FBXL7: variants seen among roughly 807,000 people sequenced by gnomAD.
FBXL7 encodes the protein F-box and leucine rich repeat protein 7.
In FBXL7, 12 loss-of-function variants were observed where a neutral mutation model predicts 38.3. The ratio of observed to expected loss-of-function variants is 0.31; its 90% CI spans 0.20 to 0.51. FBXL7 has a LOEUF of 0.51. Among genes scored for constraint, FBXL7 ranks in the 20% least tolerant of loss-of-function variants. The pLI is 0.98. For synonymous variants in FBXL7, 297 were observed against 300.9 expected (o/e 0.99, Z 0.13); for missense variants, 567 against 676.4 (o/e 0.84, Z 1.79).
chr5:15,884,733 G>A (rs1168069012), intron 2 of FBXL7, among the ~76,000 whole-genome samples: 2 of 152,162 alleles, frequency 1.3e-5, no homozygotes, highest in Non-Finnish European at 2.9e-5. Context: ...TTGGTATAAA[G>A]TCTTTATTTC....
intron 1 of FBXL7, among the ~76,000 whole-genome samples, chr5:15,593,137 G>T (rs1739530013): frequency 6.6e-6 from 1 of 152,202 alleles, no homozygotes; most frequent in East Asian, 1.9e-4. Context: ...GGATCAGCTG[G>T]TGAATATTTG....
At chr5:15,749,364 C>T (rs561518772) in intron 2 of FBXL7, among the ~76,000 whole-genome samples, 3 of 151,726 alleles carry the variant, frequency 2.0e-5, no homozygotes, top group Non-Finnish European at 2.9e-5. Context: ...CGGTGGCTCA[C>T]GCCTGTAATC....
chr5:15,813,241 G>T (rs549531984), intron 2 of FBXL7, among the ~76,000 whole-genome samples: 82 of 152,198 alleles, frequency 5.4e-4, no homozygotes, highest in African/African-American at 2.0e-3. Context: ...CAGACTGATG[G>T]AACAGAACAG....
chr5:15,797,882 C>CA (rs1344730659), intron 2 of FBXL7, among the ~76,000 whole-genome samples: 2 of 152,168 alleles, frequency 1.3e-5, no homozygotes, highest in East Asian at 3.9e-4. Flanking sequence ...AACTTGAAGT[C>CA]ATCTCAGTCA....
intron 2 of FBXL7, among the ~76,000 whole-genome samples, chr5:15,783,776 GATTATTGAT>G (rs752573834): frequency 3.2e-4 from 48 of 152,170 alleles, no homozygotes; most frequent in Non-Finnish European, 6.5e-4. Context: ...ATGGGTGCTG[GATTATTGAT>G]ATTATTGATT....
intron 2 of FBXL7, among the ~76,000 whole-genome samples, chr5:15,743,882 A>G (rs1020655532): frequency 1.3e-5 from 2 of 152,202 alleles, no homozygotes; most frequent in Non-Finnish European, 2.9e-5. Context: ...GTAATCCACC[A>G]AGGCTTGGGG....
chr5:15,858,120 A>G (rs1186550146), intron 2 of FBXL7, among the ~76,000 whole-genome samples: 3 of 151,968 alleles, frequency 2.0e-5, no homozygotes, highest in Non-Finnish European at 4.4e-5. Flanking sequence ...GAATTCTGTA[A>G]CACTGTAAAA....
At chr5:15,810,114 A>G (rs1243826554) in intron 2 of FBXL7, among the ~76,000 whole-genome samples, 1 of 152,156 alleles carries the variant, frequency 6.6e-6, no homozygotes, top group South Asian at 2.1e-4. Flanking sequence ...CCTTTTTTTC[A>G]ATTTATGTGA....
chr5:15,931,066 C>G (rs1162998350), intron 3 of FBXL7, among the ~76,000 whole-genome samples: 1 of 152,196 alleles, frequency 6.6e-6, no homozygotes, highest in Non-Finnish European at 1.5e-5. Context: ...CTATCCTATC[C>G]CTAGCATGCA....
At chr5:15,603,737 G>A (rs759494113) in intron 1 of FBXL7, among the ~76,000 whole-genome samples, 22 of 152,166 alleles carry the variant, frequency 1.4e-4, no homozygotes, top group Non-Finnish European at 2.6e-4. Flanking sequence ...GAAAGTACTC[G>A]TTAGAACATT....
At chr5:15,806,972 C>T (rs1423523955) in intron 2 of FBXL7, among the ~76,000 whole-genome samples, 4 of 151,708 alleles carry the variant, frequency 2.6e-5, no homozygotes, top group South Asian at 2.1e-4. Flanking sequence ...TTTTTTGAGA[C>T]GGAGTTTCGC....
intron 2 of FBXL7, among the ~76,000 whole-genome samples, chr5:15,655,836 A>G (rs1231399911): frequency 6.6e-6 from 1 of 152,138 alleles, no homozygotes; most frequent in Non-Finnish European, 1.5e-5. Flanking sequence ...CAAAGCCTCA[A>G]CTCAAACCCT....
intron 2 of FBXL7, among the ~76,000 whole-genome samples, chr5:15,789,725 T>G (rs1737225266): frequency 6.6e-6 from 1 of 152,178 alleles, no homozygotes; most frequent in Admixed American, 6.5e-5. Flanking sequence ...TCACTTCAAT[T>G]TGGAGCCAGT....
intron 3 of FBXL7, among the ~76,000 whole-genome samples, chr5:15,930,762 C>T (rs777369947): frequency 6.6e-6 from 1 of 152,194 alleles, no homozygotes; most frequent in Non-Finnish European, 1.5e-5. Context: ...AACACAGAAT[C>T]CCACATATGG....
intron 2 of FBXL7, among the ~76,000 whole-genome samples, chr5:15,735,806 T>C (rs1244447598): frequency 6.6e-6 from 1 of 152,222 alleles, no homozygotes; most frequent in Non-Finnish European, 1.5e-5. Context: ...CTGAACTGCT[T>C]ACAAGGTTGG....
At chr5:15,667,969 T>G (rs71595943) in intron 2 of FBXL7, among the ~76,000 whole-genome samples, 24,551 of 152,156 alleles carry the variant, frequency 0.16, 2,068 homozygotes, top group Middle Eastern at 0.18. Context: ...TAATATTACC[T>G]CTTCATAGGT....
chr5:15,563,503 G>GGAGGTA (rs1738476223), intron 1 of FBXL7, among the ~76,000 whole-genome samples: 1 of 152,120 alleles, frequency 6.6e-6, no homozygotes. Flanking sequence ...GAGGAACACT[G>GGAGGTA]GAGGTAGAGT....
At chr5:15,862,883 C>G (rs1739535009) in intron 2 of FBXL7, among the ~76,000 whole-genome samples, 1 of 152,202 alleles carries the variant, frequency 6.6e-6, no homozygotes, top group South Asian at 2.1e-4. Flanking sequence ...GATTCTGTCC[C>G]ATACTCCCTA....
intron 2 of FBXL7, among the ~76,000 whole-genome samples, chr5:15,635,598 G>A (rs1741154599): frequency 6.6e-6 from 1 of 152,168 alleles, no homozygotes; most frequent in African/African-American, 2.4e-5. Flanking sequence ...TGAAGAGGGA[G>A]CAATATAGGG....
Sources: gnomAD v4.1 joint callset for allele counts (sites outside exome capture counted in the v4.1 genomes callset) on GRCh38, gnomAD v4.1.1 for gene constraint, MANE v1.5 for transcripts, NCBI Gene and HGNC (gene_info 2026-07-23, HGNC 2026-07-21) for gene names.